The following TAFA1 variants were observed in gnomAD, a reference collection of about 807,000 sequenced individuals.
TAFA1 encodes the protein TAFA chemokine like family member 1.
TAFA1 carries 4 observed loss-of-function variants against 18.5 expected under a neutral mutation model. The ratio of observed to expected loss-of-function variants is 0.22; its 90% CI spans 0.11 to 0.49. The LOEUF (loss-of-function observed/expected upper bound fraction) is 0.49. Ranked by LOEUF, TAFA1 falls within the 20% of genes least tolerant of loss-of-function variation. The pLI is 0.98. For missense variants in TAFA1, 147 were observed against 169.0 expected (o/e 0.87, Z 0.72); for synonymous variants, 56 against 55.2 (o/e 1.01, Z -0.06).
chr3:68,320,571 A>G (rs2068682994), intron 2 of TAFA1, among the ~76,000 whole-genome samples: 1 of 151,874 alleles, frequency 6.6e-6, no homozygotes, highest in African/African-American at 2.4e-5. Context: ...CCCACCTTCT[A>G]CTGTTGGACT....
intron 2 of TAFA1, among the ~76,000 whole-genome samples, chr3:68,315,255 A>G (rs1163984253): frequency 6.6e-6 from 1 of 152,288 alleles, no homozygotes; most frequent in East Asian, 1.9e-4. Flanking sequence ...AATTATATCA[A>G]TTCCACAGAA....
chr3:68,421,819 T>C (rs1237048249), intron 3 of TAFA1, among the ~76,000 whole-genome samples: 2 of 152,098 alleles, frequency 1.3e-5, no homozygotes, highest in Non-Finnish European at 2.9e-5. Flanking sequence ...GGATAATGCT[T>C]AGAGAGAAAC....
At chr3:68,266,440 C>T (rs565517421) in intron 2 of TAFA1, among the ~76,000 whole-genome samples, 7 of 152,224 alleles carry the variant, frequency 4.6e-5, no homozygotes, top group African/African-American at 1.7e-4. Context: ...ATCTCTGACA[C>T]CCCTTCACTA....
chr3:68,111,217 G>A (rs929182323), intron 2 of TAFA1, among the ~76,000 whole-genome samples: 2 of 152,064 alleles, frequency 1.3e-5, no homozygotes, highest in African/African-American at 4.8e-5. Flanking sequence ...CCACATTTTG[G>A]GTAGGTGCAA....
At chr3:68,133,677 T>C (rs2065570480) in intron 2 of TAFA1, among the ~76,000 whole-genome samples, 1 of 152,156 alleles carries the variant, frequency 6.6e-6, no homozygotes, top group Non-Finnish European at 1.5e-5. Flanking sequence ...TTGCCTCTTA[T>C]TGGTGTATAG....
At chr3:68,450,972 GA>G (rs1229703909) in intron 3 of TAFA1, among the ~76,000 whole-genome samples, 29 of 152,290 alleles carry the variant, frequency 1.9e-4, no homozygotes, top group Non-Finnish European at 3.7e-4. Context: ...GAACGAAAAT[GA>G]AGTTACATTA....
At chr3:68,024,307 T>A (rs1363972407) in intron 2 of TAFA1, among the ~76,000 whole-genome samples, 1 of 151,992 alleles carries the variant, frequency 6.6e-6, no homozygotes, top group East Asian at 1.9e-4. Context: ...AAGAAAAAAA[T>A]TAATGAAGCT....
chr3:68,289,228 T>C (rs1292938464), intron 2 of TAFA1, among the ~76,000 whole-genome samples: 3 of 152,218 alleles, frequency 2.0e-5, no homozygotes, highest in African/African-American at 2.4e-5. Context: ...CTGTTCATTA[T>C]TTGTATTAAC....
chr3:68,315,580 G>A (rs1034465952), intron 2 of TAFA1, among the ~76,000 whole-genome samples: 2 of 152,042 alleles, frequency 1.3e-5, no homozygotes, highest in Admixed American at 6.6e-5. Flanking sequence ...TCCTTATATA[G>A]TTCTTTATAT....
chr3:68,390,359 G>A (rs1444682070), intron 2 of TAFA1, among the ~76,000 whole-genome samples: 1 of 152,172 alleles, frequency 6.6e-6, no homozygotes, highest in Non-Finnish European at 1.5e-5. Context: ...CCCCAGTCAG[G>A]GACTTATATA....
At chr3:68,241,629 TC>T (rs1416777010) in intron 2 of TAFA1, among the ~76,000 whole-genome samples, 1 of 152,128 alleles carries the variant, frequency 6.6e-6, no homozygotes, top group African/African-American at 2.4e-5. Flanking sequence ...CCTTTTAATT[TC>T]CTCTGAATTG....
intron 2 of TAFA1, among the ~76,000 whole-genome samples, chr3:68,264,862 T>A (rs1023403498): frequency 6.6e-6 from 1 of 152,108 alleles, no homozygotes; most frequent in Non-Finnish European, 1.5e-5. Flanking sequence ...ATTTGAGCAA[T>A]TTAGTGTTGC....
At chr3:68,456,058 T>C (rs760076761) in intron 3 of TAFA1, among the ~76,000 whole-genome samples, 2 of 152,154 alleles carry the variant, frequency 1.3e-5, no homozygotes, top group Non-Finnish European at 2.9e-5. Context: ...CATTGTCCAA[T>C]ATTAGAAGAA....
intron 3 of TAFA1, among the ~76,000 whole-genome samples, chr3:68,450,965 C>T (rs563285556): frequency 3.3e-5 from 5 of 152,198 alleles, no homozygotes; most frequent in South Asian, 2.1e-4. Flanking sequence ...GGAAACTGAA[C>T]GAAAATGAAG....
chr3:68,080,347 C>T (rs1348182862), intron 2 of TAFA1, among the ~76,000 whole-genome samples: 1 of 151,622 alleles, frequency 6.6e-6, no homozygotes, highest in African/African-American at 2.4e-5. Flanking sequence ...TGAATTTGAT[C>T]CTGTCATTAT....
chr3:68,215,985 T>C (rs1222113410), intron 2 of TAFA1, among the ~76,000 whole-genome samples: 2 of 151,974 alleles, frequency 1.3e-5, no homozygotes, highest in South Asian at 2.1e-4. Flanking sequence ...GCCAAAAAGA[T>C]AAATGAGCTA....
chr3:68,264,212 G>A (rs2067495000), intron 2 of TAFA1, among the ~76,000 whole-genome samples: 1 of 152,168 alleles, frequency 6.6e-6, no homozygotes, highest in African/African-American at 2.4e-5. Flanking sequence ...GAAGTTTACA[G>A]TGAGCCAAGA....
At chr3:68,224,350 G>A (rs2066770144) in intron 2 of TAFA1, among the ~76,000 whole-genome samples, 1 of 152,054 alleles carries the variant, frequency 6.6e-6, no homozygotes, top group Admixed American at 6.5e-5. Context: ...GGGTTACACT[G>A]ATCTGTCCAC....
rs183699168 is a variant in TAFA1 at position 68,262,806 on chromosome 3, G to T, written c.119-154474G>T. Among the ~76,000 whole-genome samples, 13 of 152,256 alleles carry T rather than the reference G, an allele frequency of 8.5e-5. No individual in the cohort carries two copies. In the East Asian group the frequency reaches 2.3e-3, roughly 27 times the overall value. The stretch of plus-strand genomic sequence containing the variant: ...CCTTTGTGTATATACCCAGTAATGG[G>T]GTTGTTGGGTCAAATAGTAGCTGTG... On this transcript the variant is annotated intron_variant, in intron 2 of 4. Transcript: ENST00000478136.
Sources: allele counts gnomAD v4.1 joint callset (sites outside exome capture counted in the v4.1 genomes callset), GRCh38; gene constraint gnomAD v4.1.1; transcripts MANE v1.5; gene names NCBI Gene and HGNC (gene_info 2026-07-23, HGNC 2026-07-21).